TBCD: variants seen among roughly 807,000 people sequenced by gnomAD.
TBCD encodes tubulin-specific chaperone D.
A neutral mutation model predicts 169.3 loss-of-function variants in TBCD; 105 were observed. The observed-to-expected ratio is 0.62, with a 90% CI of 0.53 to 0.73. The LOEUF (loss-of-function observed/expected upper bound fraction) is 0.73, where lower values mean the gene tolerates loss of function less well. TBCD is among the 30% of genes least tolerant of loss of function. The pLI is 0.00. For missense variants in TBCD, 1,444 were observed against 1,600.1 expected (o/e 0.90, Z 1.66); for synonymous variants, 700 against 643.9 (o/e 1.09, Z -1.32).
chr17:82,898,965 C>T (rs1235338660), intron 17 of TBCD, among the ~76,000 whole-genome samples: 2 of 152,270 alleles, frequency 1.3e-5, no homozygotes, highest in Non-Finnish European at 2.9e-5. Context: ...GCCAACACTC[C>T]TTCCCCCCAG....
intron 13 of TBCD, among the ~76,000 whole-genome samples, chr17:82,855,235 CTTTTTTTTTTTTTTT>C (rs58346723): frequency 7.4e-4 from 40 of 54,032 alleles, no homozygotes; most frequent in Admixed American, 2.0e-3. Flanking sequence ...AAGGTGTTTG[CTTTTTTTTTTTTTTT>C]TTTTTTTTTT....
intron 1 of TBCD, among the ~76,000 whole-genome samples, chr17:82,754,267 A>G (rs750417513): frequency 6.6e-6 from 1 of 152,072 alleles, no homozygotes; most frequent in Non-Finnish European, 1.5e-5. Flanking sequence ...GGGGTATACA[A>G]TCATAGGGGA....
At position 82,943,317 on chromosome 17, in the gene TBCD, A is replaced by C. The variant is rs1404656920; in HGVS notation, c.*854A>C. ...AAAGCTGGTGAGGGGAACGTGTATAAAAATTTCACTGTGGTAGCAACCCAC... is the reference window on the plus strand; with the variant it reads ...AAAGCTGGTGAGGGGAACGTGTATACAAATTTCACTGTGGTAGCAACCCAC... On this transcript the variant is annotated 3_prime_UTR_variant, in exon 39 of 39. Transcript: ENST00000355528. The C allele has an allele frequency of 6.6e-6, 1 of 152,214 alleles. No individual in the cohort carries two copies. The highest frequency in any genetic ancestry group is 1.5e-5 in the Non-Finnish European group (1 of 68,066). 9.4% of individuals were successfully genotyped at this position (152,214 alleles called of 1,614,324 possible).
chr17:82,892,079 C>T (rs940178377), intron 16 of TBCD, among the ~76,000 whole-genome samples: 11 of 152,038 alleles, frequency 7.2e-5, no homozygotes, highest in South Asian at 2.1e-4. Flanking sequence ...CAGCTGAGCC[C>T]GCTTTTGTCT....
intron 18 of TBCD, among the ~76,000 whole-genome samples, 165 bp downstream of exon 18, chr17:82,900,896 T>C (rs2059844539): frequency 1.3e-5 from 2 of 152,244 alleles, no homozygotes; most frequent in Non-Finnish European, 2.9e-5. Context: ...ATGTGTTGAG[T>C]CATGGTCTGT....
chr17:82,760,703 T>C (rs1474803184), intron 2 of TBCD, among the ~76,000 whole-genome samples: 2 of 152,234 alleles, frequency 1.3e-5, no homozygotes, highest in Non-Finnish European at 2.9e-5. Context: ...AGTGTATTAG[T>C]GTATTACAGA....
chr17:82,801,880 G>A (rs1203566347), intron 9 of TBCD, among the ~76,000 whole-genome samples: 6 of 148,434 alleles, frequency 4.0e-5, no homozygotes, highest in African/African-American at 7.5e-5. Context: ...CGTGTGCGTC[G>A]TGTGGTTCGG....
Position 82,806,130 on chromosome 17 carries a change from C to T in TBCD, c.1087+119C>T, listed in dbSNP as rs1261651294. 2.1e-6 allele frequency: 3 copies of T among 1,400,804 alleles called. No homozygotes were observed. The highest frequency in any genetic ancestry group is 2.2e-5 in the Admixed American group (1 of 45,590). 86.8% of individuals were successfully genotyped at this position (1,400,804 alleles called of 1,614,324 possible). A position where few individuals can be genotyped will look rare whatever the true frequency, so the allele number is the denominator to read the frequency against. On this transcript the variant is annotated intron_variant, in intron 10 of 38. Coordinates refer to ENST00000355528, the MANE Select transcript of TBCD (RefSeq NM_005993.5). The surrounding 1 kb of genome is among the most constrained non-coding windows in gnomAD (Gnocchi z 5.1). ...GCCGGCACTGTCTGGCCACCCGTCC[C>T]CTTCGCTGAGTGCACGGTCACTGCC...
intron 13 of TBCD, among the ~76,000 whole-genome samples, chr17:82,860,866 C>T (rs548623807): frequency 1.4e-4 from 21 of 152,314 alleles, no homozygotes; most frequent in African/African-American, 4.3e-4. Flanking sequence ...GATGCTCTGG[C>T]GGGCGGCACT....
chr17:82,899,626 C>T (rs1356524611), intron 17 of TBCD, among the ~76,000 whole-genome samples: 1 of 152,234 alleles, frequency 6.6e-6, no homozygotes, highest in African/African-American at 2.4e-5. Flanking sequence ...AAATCATCTT[C>T]ATGTGGATGT....
At chr17:82,785,858 G>A (rs1002247719) in intron 7 of TBCD, among the ~76,000 whole-genome samples, 8 of 147,474 alleles carry the variant, frequency 5.4e-5, no homozygotes, top group Non-Finnish European at 1.1e-4. Context: ...GCGGGAGGGG[G>A]GTCCATGCTG....
chr17:82,937,930 G>A (rs535183295), intron 35 of TBCD, 119 bp from the exon 36 acceptor site: 148 of 1,541,392 alleles, frequency 9.6e-5, no homozygotes, highest in East Asian at 3.2e-4. Context: ...CCCCAGGCCC[G>A]CACTGTGCTC....
chr17:82,926,360 A>G, intron 27 of TBCD, 40 bp from the exon 28 acceptor site: 1 of 1,596,992 alleles, frequency 6.3e-7, no homozygotes, highest in Non-Finnish European at 8.6e-7. Flanking sequence ...GCACTTTGTT[A>G]TAGCTTATGG....
intron 13 of TBCD, among the ~76,000 whole-genome samples, chr17:82,837,145 A>G (rs1316980311): frequency 6.6e-6 from 1 of 152,246 alleles, no homozygotes; most frequent in Non-Finnish European, 1.5e-5. Context: ...AGTAAGTGGG[A>G]TAACATTGTT....
At chr17:82,845,364 A>C (rs1271323619) in intron 13 of TBCD, among the ~76,000 whole-genome samples, 2 of 101,460 alleles carry the variant, frequency 2.0e-5, no homozygotes, top group African/African-American at 4.0e-5. Context: ...CTCTCTGTCC[A>C]TCCTGTCTGG....
intron 37 of TBCD, 82 bp downstream of exon 37, chr17:82,939,558 C>A: frequency 1.8e-6 from 2 of 1,123,614 alleles, no homozygotes; most frequent in Non-Finnish European, 2.6e-6. Context: ...CTCGTCTCTC[C>A]CAAAACCCTC....
At chr17:82,900,429 C>T (rs1362171726) in intron 17 of TBCD, 5 of 489,722 alleles carry the variant, frequency 1.0e-5, no homozygotes, top group East Asian at 3.5e-5. Context: ...TTCCAGATTT[C>T]GCCGTTACAC....
rs1243874362 is a variant in TBCD, at chr17:82,908,676, G to A, written c.1984-609G>A. On this transcript the variant is annotated intron_variant, in intron 21 of 38. Coordinates refer to ENST00000355528, the MANE Select transcript of TBCD (RefSeq NM_005993.5). ...TCCCCCTCTGACCGAGACAAGCATG[G>A]CTGCAGAGTGCAGACGGGGAGGTGG... Among the ~76,000 whole-genome samples, 5 of 152,198 alleles carry A rather than the reference G, an allele frequency of 3.3e-5. No individual in the cohort carries two copies. The East Asian group carries it at 7.7e-4, about 23-fold the overall frequency.
rs972572837 is a variant in TBCD, at chr17:82,906,030, C to T, written c.1899C>T (p.Tyr633=). ...LACAEVAYAL[Y]KLAAQENRPV... is the part of the protein sequence containing the mutation. Reference sequence around the variant, plus strand: ...GCGCAGAAGTTGCTTACGCCTTGTACAAACTTGCAGCCCAAGAGAACAGGT... The same window carrying T: ...GCGCAGAAGTTGCTTACGCCTTGTATAAACTTGCAGCCCAAGAGAACAGGT... Residue 633 remains tyrosine (Y), a synonymous_variant, in exon 20 of 39, where the codon TAC becomes TAT. Transcript: ENST00000355528. The T allele has an allele frequency of 1.9e-6, 3 of 1,609,722 alleles. No homozygotes were observed. Among genetic ancestry groups the T allele is most frequent in the South Asian group, 1.1e-5 (1 of 89,986 alleles).
Sources: allele counts gnomAD v4.1 joint callset (sites outside exome capture counted in the v4.1 genomes callset), GRCh38; gene constraint gnomAD v4.1.1; non-coding constraint Gnocchi (gnomAD v3.1); transcripts MANE v1.5; gene names NCBI Gene and HGNC (gene_info 2026-07-23, HGNC 2026-07-21).